The following LRRN1 variants were observed in gnomAD, a reference collection of about 807,000 sequenced individuals.
LRRN1 encodes the protein leucine-rich repeat neuronal protein 1.
LRRN1 carries 14 observed loss-of-function variants against 45.8 expected under a neutral mutation model. The ratio of observed to expected loss-of-function variants is 0.31; its 90% CI spans 0.20 to 0.48. LRRN1 has a LOEUF of 0.48. Among genes scored for constraint, LRRN1 ranks in the 20% least tolerant of loss-of-function variants. The pLI is 0.99. For missense variants in LRRN1, 789 were observed against 874.2 expected, an observed-to-expected ratio of 0.90 and a Z score of 1.23; for synonymous variants, 359 against 330.1, an observed-to-expected ratio of 1.09 and a Z score of -0.95.
chr3:3,800,383 C>G (rs1481394681), intron 1 of LRRN1, among the ~76,000 whole-genome samples: 1 of 151,594 alleles, frequency 6.6e-6, no homozygotes, highest in African/African-American at 2.4e-5. Context: ...AAGAGGAGGG[C>G]AAGGAAGGTG....
At chr3:3,826,640 C>T (rs553491877) in intron 1 of LRRN1, among the ~76,000 whole-genome samples, 10 of 152,102 alleles carry the variant, frequency 6.6e-5, no homozygotes, top group Non-Finnish European at 1.5e-4. Context: ...CTCTTCCTCT[C>T]ATACGACCCT....
chr3:3,805,677 A>G (rs1200983836), intron 1 of LRRN1, among the ~76,000 whole-genome samples: 1 of 152,178 alleles, frequency 6.6e-6, no homozygotes, highest in East Asian at 1.9e-4. Flanking sequence ...TCTGGTCCCT[A>G]ATCCCATAGC....
intron 1 of LRRN1, among the ~76,000 whole-genome samples, chr3:3,840,592 C>G (rs1206891885): frequency 1.3e-5 from 2 of 152,172 alleles, no homozygotes; most frequent in Admixed American, 1.3e-4. Flanking sequence ...ATAGAAATAT[C>G]TTAAACATCT....
Position 3,844,530 on chromosome 3 carries a change from C to A in LRRN1, c.-112C>A. ...GGAATTCTACACAGCTCAACCAAGA[C>A]TTTGCTTGAATGTTTACATTTTCTG... On this transcript the variant is annotated 5_prime_UTR_variant, in exon 2 of 2. Coordinates refer to ENST00000319331, the MANE Select transcript of LRRN1 (RefSeq NM_020873.7). 2.4e-6 allele frequency: 2 copies of A among 837,716 alleles called. No homozygotes were observed. Among genetic ancestry groups the A allele is most frequent in the Non-Finnish European group, 3.7e-6 (2 of 539,204 alleles). 51.9% of individuals were successfully genotyped at this position (837,716 alleles called of 1,614,324 possible).
chr3:3,834,097 G>T (rs374970277), intron 1 of LRRN1, among the ~76,000 whole-genome samples: 3 of 151,980 alleles, frequency 2.0e-5, no homozygotes, highest in Non-Finnish European at 4.4e-5. Flanking sequence ...TTTGAGGCTC[G>T]GTATCTGCTT....
intron 1 of LRRN1, among the ~76,000 whole-genome samples, chr3:3,806,314 C>T (rs772368598): frequency 1.6e-4 from 24 of 152,172 alleles, no homozygotes; most frequent in Non-Finnish European, 3.2e-4. Context: ...GCAGGCTACA[C>T]AAGTACAGAA....
intron 1 of LRRN1, among the ~76,000 whole-genome samples, chr3:3,815,198 G>A (rs1432495504): frequency 6.6e-6 from 1 of 152,146 alleles, no homozygotes; most frequent in Middle Eastern, 3.4e-3. Flanking sequence ...CTGCCCTGAC[G>A]CCTTTACACC....
chr3:3,838,352 A>G (rs1356630240), intron 1 of LRRN1, among the ~76,000 whole-genome samples: 1 of 152,228 alleles, frequency 6.6e-6, no homozygotes, highest in Non-Finnish European at 1.5e-5. Flanking sequence ...CAAAATCACC[A>G]AAAGCAATTG....
intron 1 of LRRN1, among the ~76,000 whole-genome samples, chr3:3,835,903 T>C (rs1693499574): frequency 6.6e-6 from 1 of 152,114 alleles, no homozygotes; most frequent in South Asian, 2.1e-4. Context: ...TGTATAATTG[T>C]TTGTGGGACT....
Position 3,804,389 on chromosome 3 carries a change from C to T in LRRN1, c.-279+4470C>T, listed in dbSNP as rs553528674. 1.6e-4 allele frequency among the ~76,000 whole-genome samples: 24 copies of T among 152,266 alleles called. No individual in the cohort carries two copies. In the Middle Eastern group the frequency reaches 0.02, roughly 129 times the overall value. On this transcript the variant is annotated intron_variant, in intron 1 of 1. Transcript: ENST00000319331. ...CATCAACATTTAACTTATATGGAAC[C>T]ATTGTACCTAATGAACTGAGGATCA...
Position 3,806,016 on chromosome 3 carries a change from C to T in LRRN1, c.-279+6097C>T, listed in dbSNP as rs150236501. On this transcript the variant is annotated intron_variant, in intron 1 of 1. Coordinates refer to ENST00000319331, the MANE Select transcript of LRRN1 (RefSeq NM_020873.7). ...AGGCACTCTGCACAGAGGATTTCAA[C>T]CAAGGGTGATTTTTGCCTCTGAGGG... Among the ~76,000 whole-genome samples, 37 of 152,148 alleles carry T rather than the reference C, an allele frequency of 2.4e-4. No individual in the cohort carries two copies. The East Asian group carries it at 6.8e-3, about 28-fold the overall frequency.
At chr3:3,813,604 T>C (rs1692927817) in intron 1 of LRRN1, among the ~76,000 whole-genome samples, 1 of 152,132 alleles carries the variant, frequency 6.6e-6, no homozygotes, top group Admixed American at 6.5e-5. Context: ...TACTAGATTA[T>C]GAGAAAAACT....
At chr3:3,829,656 C>T (rs1693321414) in intron 1 of LRRN1, among the ~76,000 whole-genome samples, 1 of 152,156 alleles carries the variant, frequency 6.6e-6, no homozygotes, top group African/African-American at 2.4e-5. Flanking sequence ...TGATGGGGAC[C>T]ATGGTAAGAC....
At position 3,804,305 on chromosome 3, in the gene LRRN1, C is replaced by T. The variant is rs937525567; in HGVS notation, c.-279+4386C>T. On this transcript the variant is annotated intron_variant, in intron 1 of 1. Coordinates refer to ENST00000319331, the MANE Select transcript of LRRN1 (RefSeq NM_020873.7). The stretch of plus-strand genomic sequence containing the variant: ...GAATAACGCTGGAAGGACTAACTGC[C>T]ATAATCAGTGAGATTACTAAAAGGT... The T allele has an allele frequency of 3.3e-5, 5 of 152,220 alleles. No individual in the cohort carries two copies. In the South Asian group the frequency reaches 8.3e-4, roughly 25 times the overall value. 9.4% of individuals were successfully genotyped at this position (152,220 alleles called of 1,614,324 possible). A position where few individuals can be genotyped will look rare whatever the true frequency, so the allele number is the denominator to read the frequency against.
chr3:3,817,429 C>G (rs1693011075), intron 1 of LRRN1, among the ~76,000 whole-genome samples: 1 of 152,218 alleles, frequency 6.6e-6, no homozygotes, highest in African/African-American at 2.4e-5. Context: ...AGGACAAGTA[C>G]TGTCTCATTC....
At chr3:3,830,701 T>A (rs1422156466) in intron 1 of LRRN1, among the ~76,000 whole-genome samples, 1 of 152,176 alleles carries the variant, frequency 6.6e-6, no homozygotes, top group Non-Finnish European at 1.5e-5. Context: ...TACTTGTGCC[T>A]TCAGGACCTG....
chr3:3,801,579 C>T (rs1692653690), intron 1 of LRRN1, among the ~76,000 whole-genome samples: 1 of 152,088 alleles, frequency 6.6e-6, no homozygotes, highest in South Asian at 2.1e-4. Flanking sequence ...GATGTCTGGC[C>T]TCATCCATTC....
intron 1 of LRRN1, among the ~76,000 whole-genome samples, chr3:3,800,454 G>C (rs966277125): frequency 6.6e-6 from 1 of 152,146 alleles, no homozygotes; most frequent in Admixed American, 6.5e-5. Context: ...TAAGAGAAAG[G>C]GGCAAGGGGT....
chr3:3,841,936 T>G (rs1407156067), intron 1 of LRRN1, among the ~76,000 whole-genome samples: 5 of 152,176 alleles, frequency 3.3e-5, no homozygotes, highest in Admixed American at 3.3e-4. Flanking sequence ...TTCTGAGAAA[T>G]GTGTCATTAG....
Sources: gnomAD v4.1 joint callset for allele counts (sites outside exome capture counted in the v4.1 genomes callset) on GRCh38, gnomAD v4.1.1 for gene constraint, MANE v1.5 for transcripts, NCBI Gene and HGNC (gene_info 2026-07-23, HGNC 2026-07-21) for gene names.